TMEM196: variants seen among roughly 807,000 people sequenced by gnomAD.
TMEM196 encodes transmembrane protein 196.
In TMEM196, 17 loss-of-function variants were observed where a neutral mutation model predicts 20.0. The ratio of observed to expected loss-of-function variants is 0.85; its 90% CI spans 0.58 to 1.27. The LOEUF (loss-of-function observed/expected upper bound fraction) is 1.27. Among genes scored for constraint, TMEM196 ranks in the 50% most tolerant of loss-of-function variants. The pLI, the probability that TMEM196 is intolerant of heterozygous loss-of-function variation, is 0.00. For synonymous variants in TMEM196, 113 were observed against 88.9 expected, an observed-to-expected ratio of 1.27 and a Z score of -1.52; for missense variants, 267 against 223.0, an observed-to-expected ratio of 1.20 and a Z score of -1.26.
chr7:19,722,014 C>A lies in TMEM196; in HGVS notation c.*114G>T. 1.5e-6 allele frequency: 2 copies of A among 1,369,200 alleles called. No homozygotes were observed. Among genetic ancestry groups the A allele is most frequent in the Non-Finnish European group, 2.1e-6 (2 of 969,460 alleles). 84.8% of individuals were successfully genotyped at this position (1,369,200 alleles called of 1,614,324 possible). ...TGCAAAAACTGTTTTATTTTCTAGT[C>A]CTTTGGTGTCTCATTGCCTCATGAA... On this transcript the variant is annotated 3_prime_UTR_variant, in exon 5 of 5. Coordinates refer to ENST00000405844, the MANE Select transcript of TMEM196 (RefSeq NM_001363562.2).
Position 19,722,004 on chromosome 7 carries a change from A to G in TMEM196, c.*124T>C, listed in dbSNP as rs1264976191. The G allele has an allele frequency of 7.6e-6, 10 of 1,319,214 alleles. No individual in the cohort carries two copies. The highest frequency in any genetic ancestry group is 1.1e-5 in the Non-Finnish European group (10 of 933,868). The allele number at this position is 1,319,214 out of a possible 1,614,324, so 81.7% of individuals were successfully genotyped here. ...TAAATGCAAATGCAAAAACTGTTTT[A>G]TTTTCTAGTCCTTTGGTGTCTCATT... On this transcript the variant is annotated 3_prime_UTR_variant, in exon 5 of 5. Coordinates refer to ENST00000405844, the MANE Select transcript of TMEM196 (RefSeq NM_001363562.2).
chr7:19,754,079 T>G (rs939700333), intron 1 of TMEM196, among the ~76,000 whole-genome samples: 2 of 152,240 alleles, frequency 1.3e-5, no homozygotes, highest in African/African-American at 4.8e-5. Flanking sequence ...GAATGACTAC[T>G]CTGGAGTCAT....
At chr7:19,770,903 T>A (rs1268644285) in intron 1 of TMEM196, among the ~76,000 whole-genome samples, 1 of 152,074 alleles carries the variant, frequency 6.6e-6, no homozygotes, top group Non-Finnish European at 1.5e-5. Flanking sequence ...TACTTTGATA[T>A]TATCTAGGGA....
Position 19,772,590 on chromosome 7 carries a change from G to A in TMEM196, c.107C>T (p.Ala36Val). ...GAGCTGCGGCTTGTGCTCTCGGAGG[G>A]CCAGGCTGAAGCTGACCGCCCCCAC... The part of the protein sequence containing the change: ...VAVGAVSFSL[A>V]LREHKPQLGD... Residue 36 changes from alanine (A) to valine (V), a missense_variant, in exon 1 of 5, where the codon GCC (alanine) becomes GTC (valine). By Grantham distance (64) the Ala-to-Val change is moderately conservative. Coordinates refer to ENST00000405844, the MANE Select transcript of TMEM196 (RefSeq NM_001363562.2). 1.3e-6 allele frequency: 2 copies of A among 1,546,380 alleles called. No individual in the cohort carries two copies. The highest frequency in any genetic ancestry group is 1.7e-6 in the Non-Finnish European group (2 of 1,145,588).
At chr7:19,760,639 G>GC (rs1785400503) in intron 1 of TMEM196, among the ~76,000 whole-genome samples, 1 of 152,084 alleles carries the variant, frequency 6.6e-6, no homozygotes, top group African/African-American at 2.4e-5. Flanking sequence ...GGGATTATAG[G>GC]CGTGAGCCAC....
intron 1 of TMEM196, among the ~76,000 whole-genome samples, chr7:19,732,892 C>T (rs1388343891): frequency 6.6e-6 from 1 of 151,984 alleles, no homozygotes; most frequent in East Asian, 1.9e-4. Context: ...AAGCACTTAC[C>T]CACATCATGG....
At chr7:19,767,310 T>C (rs559553252) in intron 1 of TMEM196, among the ~76,000 whole-genome samples, 125 of 152,196 alleles carry the variant, frequency 8.2e-4, no homozygotes, top group African/African-American at 2.9e-3. Context: ...ATAATAACTA[T>C]ATTTCCCAGT....
rs988069047 is a variant in TMEM196 at position 19,720,373 on chromosome 7, A to T, written c.*1755T>A. 7 of 151,998 alleles carry T rather than the reference A, an allele frequency of 4.6e-5. No individual in the cohort carries two copies. Among genetic ancestry groups the T allele is most frequent in the African/African-American group, 1.7e-4 (7 of 41,444 alleles). 9.4% of individuals were successfully genotyped at this position (151,998 alleles called of 1,614,324 possible). On this transcript the variant is annotated 3_prime_UTR_variant, in exon 5 of 5. Transcript: ENST00000405844. Reference sequence around the variant, plus strand: ...ATAAAAGACCTTCAAATTTTCATTAACTTGAATGATCATTACTGTGTTAGC... The same window carrying T: ...ATAAAAGACCTTCAAATTTTCATTATCTTGAATGATCATTACTGTGTTAGC...
intron 4 of TMEM196, 59 bp from the exon 5 acceptor site, chr7:19,722,193 G>A (rs1329169982): frequency 2.8e-6 from 4 of 1,436,854 alleles, no homozygotes; most frequent in Non-Finnish European, 3.8e-6. Flanking sequence ...CATTGTTTTG[G>A]TTAATGAGTT....
intron 4 of TMEM196, 95 bp downstream of exon 4, chr7:19,724,185 G>T: frequency 2.7e-6 from 3 of 1,128,642 alleles, no homozygotes; most frequent in Non-Finnish European, 3.9e-6. Context: ...AACAACATCA[G>T]TTCAGACTGA....
intron 1 of TMEM196, among the ~76,000 whole-genome samples, chr7:19,747,408 A>G (rs1232198936): frequency 6.6e-6 from 1 of 152,222 alleles, no homozygotes; most frequent in East Asian, 1.9e-4. Context: ...CTAAATATGT[A>G]TTTAGGTTTA....
chr7:19,733,642 A>G (rs1784290163), intron 1 of TMEM196, among the ~76,000 whole-genome samples: 1 of 138,720 alleles, frequency 7.2e-6, no homozygotes, highest in South Asian at 2.6e-4. Context: ...ACTGGAGGAA[A>G]AGTAGAAGAT....
At chr7:19,746,065 A>C (rs146167191) in intron 1 of TMEM196, among the ~76,000 whole-genome samples, 11 of 152,200 alleles carry the variant, frequency 7.2e-5, no homozygotes, top group African/African-American at 2.6e-4. Context: ...ATACTACTAA[A>C]AGTTCTGTTC....
At chr7:19,767,729 A>C (rs191487456) in intron 1 of TMEM196, among the ~76,000 whole-genome samples, 161 of 152,170 alleles carry the variant, frequency 1.1e-3, no homozygotes, top group African/African-American at 3.8e-3. Context: ...TTTTCATCTT[A>C]TGCTAAAGGA....
At chr7:19,725,887 T>C in intron 2 of TMEM196, 119 bp from the exon 3 acceptor site, 1 of 1,269,098 alleles carries the variant, frequency 7.9e-7, no homozygotes, top group South Asian at 1.7e-5. Context: ...AATAAGCGGT[T>C]TTGGTGCTTC....
chr7:19,734,279 T>A (rs1348594634), intron 1 of TMEM196, among the ~76,000 whole-genome samples: 1 of 152,166 alleles, frequency 6.6e-6, no homozygotes, highest in African/African-American at 2.4e-5. Flanking sequence ...TTCAAACTTT[T>A]CAATGTATAT....
At chr7:19,768,625 A>G (rs1785730791) in intron 1 of TMEM196, among the ~76,000 whole-genome samples, 2 of 152,140 alleles carry the variant, frequency 1.3e-5, no homozygotes, top group Non-Finnish European at 2.9e-5. Context: ...TAGTTTATTA[A>G]TTGTTATCTA....
intron 1 of TMEM196, among the ~76,000 whole-genome samples, chr7:19,749,185 A>T (rs999384382): frequency 6.6e-6 from 1 of 152,212 alleles, no homozygotes; most frequent in East Asian, 1.9e-4. Flanking sequence ...TGGCTTTTAC[A>T]TTTATAGGAG....
chr7:19,768,947 A>G (rs1019051859), intron 1 of TMEM196, among the ~76,000 whole-genome samples: 12 of 152,180 alleles, frequency 7.9e-5, no homozygotes, highest in African/African-American at 2.9e-4. Flanking sequence ...GGGCCAAAAA[A>G]TCAAAATGCA....
Sources: gnomAD v4.1 joint callset for allele counts (sites outside exome capture counted in the v4.1 genomes callset) on GRCh38, gnomAD v4.1.1 for gene constraint, MANE v1.5 for transcripts, NCBI Gene and HGNC (gene_info 2026-07-23, HGNC 2026-07-21) for gene names.